Variants in OSBPL10 observed in about 807,000 individuals in gnomAD.
The protein encoded by OSBPL10 is oxysterol binding protein like 10, also known as oxysterol-binding protein-related protein 10.
Under a neutral mutation model 81.7 loss-of-function variants are expected in OSBPL10, and 49 were observed. That is an observed-to-expected ratio of 0.60 (90% CI 0.48 to 0.76). The LOEUF (loss-of-function observed/expected upper bound fraction) is 0.76, where lower values mean the gene tolerates loss of function less well. Among genes scored for constraint, OSBPL10 ranks in the 30% least tolerant of loss-of-function variants. The pLI is 0.00. For synonymous variants in OSBPL10, 419 were observed against 383.6 expected (o/e 1.09, Z -1.08); for missense variants, 923 against 987.8 (o/e 0.93, Z 0.88).
chr3:31,829,737 C>T (rs534593517), intron 4 of OSBPL10, among the ~76,000 whole-genome samples: 20 of 152,278 alleles, frequency 1.3e-4, no homozygotes, highest in Non-Finnish European at 4.4e-5. Flanking sequence ...TGAGGTTTGG[C>T]CTAGTCTTTG....
At chr3:32,009,474 T>C (rs1331510836) in intron 2 of OSBPL10, among the ~76,000 whole-genome samples, 2 of 152,160 alleles carry the variant, frequency 1.3e-5, no homozygotes, top group African/African-American at 4.8e-5. Flanking sequence ...TGATACAGTC[T>C]TCCACACAGG....
At chr3:31,679,093 G>A (rs990713986) in intron 8 of OSBPL10, among the ~76,000 whole-genome samples, 27 of 152,140 alleles carry the variant, frequency 1.8e-4, no homozygotes, top group African/African-American at 6.3e-4. Context: ...CAGACACAGT[G>A]GCCCCTGGCT....
At chr3:31,880,946 A>G (rs577984046) in intron 1 of OSBPL10, among the ~76,000 whole-genome samples, 1 of 152,360 alleles carries the variant, frequency 6.6e-6, no homozygotes, top group Non-Finnish European at 1.5e-5. Context: ...TGAACCAATG[A>G]CAGTGCAATT....
intron 6 of OSBPL10, among the ~76,000 whole-genome samples, chr3:31,729,577 C>G (rs3792539): frequency 6.6e-6 from 1 of 152,156 alleles, no homozygotes; most frequent in Non-Finnish European, 1.5e-5. Context: ...CACGCCACCA[C>G]GCCCAGCTCA....
At chr3:31,688,283 T>TCTCTCTCACA (rs1246299416) in intron 7 of OSBPL10, among the ~76,000 whole-genome samples, 7 of 115,408 alleles carry the variant, frequency 6.1e-5, no homozygotes, top group Non-Finnish European at 1.1e-4. Flanking sequence ...TCTCTCTCTC[T>TCTCTCTCACA]CACACACACA....
chr3:31,832,311 A>AT (rs1044409627), intron 3 of OSBPL10, among the ~76,000 whole-genome samples: 5 of 152,096 alleles, frequency 3.3e-5, no homozygotes, highest in African/African-American at 7.2e-5. Flanking sequence ...AAGAGGGGAG[A>AT]TTTTTTCACT....
intron 1 of OSBPL10, among the ~76,000 whole-genome samples, chr3:32,056,971 T>A (rs1559556249): frequency 6.6e-6 from 1 of 152,186 alleles, no homozygotes; most frequent in Non-Finnish European, 1.5e-5. Context: ...GAAAGTGACC[T>A]CTGGTCATCC....
At chr3:31,729,766 T>C (rs1207978762) in intron 6 of OSBPL10, among the ~76,000 whole-genome samples, 2 of 152,142 alleles carry the variant, frequency 1.3e-5, no homozygotes, top group Non-Finnish European at 2.9e-5. Flanking sequence ...TAGGTGGCCG[T>C]GATTCAGAGG....
intron 7 of OSBPL10, among the ~76,000 whole-genome samples, chr3:31,695,628 A>G (rs1695694930): frequency 6.6e-6 from 1 of 152,156 alleles, no homozygotes; most frequent in Admixed American, 6.5e-5. Context: ...GTATATCTCA[A>G]TCTGGCAGCT....
At chr3:31,672,318 C>T (rs1344158709) in intron 8 of OSBPL10, among the ~76,000 whole-genome samples, 2 of 133,918 alleles carry the variant, frequency 1.5e-5, no homozygotes, top group Admixed American at 1.8e-4. Flanking sequence ...CCCTCTTAGG[C>T]TACATAAGCA....
intron 2 of OSBPL10, among the ~76,000 whole-genome samples, chr3:32,018,079 C>T (rs1473504801): frequency 4.0e-5 from 6 of 151,574 alleles, no homozygotes; most frequent in Non-Finnish European, 8.8e-5. Context: ...ACCTGGGAGG[C>T]GGAAGTTGCA....
In OSBPL10 at chr3:31,876,470, C is replaced by G; in HGVS notation, c.500G>C (p.Arg167Pro). ...KEKQFWVTQL[R>P]ACAKYHMEMN... is the part of the protein sequence containing the mutation. ...TTCCATGTGGTATTTGGCACAAGCT[C>G]GAAGCTGAGTCACCCAGAATTGTTT... is the stretch of plus-strand genomic sequence containing the variant. The change falls in exon 3 of 12, where the codon CGA becomes CCA. Residue 167 changes from arginine to proline, a missense_variant. Arg to Pro is a moderately radical substitution (Grantham distance 103). Around this residue, in one of 3 missense-constraint regions of OSBPL10, gnomAD observed 514 missense variants for 508.0 expected, o/e 1.01. Transcript: ENST00000396556. The G allele has an allele frequency of 6.2e-7, 1 of 1,613,792 alleles. No homozygotes were observed. Among genetic ancestry groups the G allele is most frequent in the Non-Finnish European group, 8.5e-7 (1 of 1,179,676 alleles).
chr3:31,807,341 C>G (rs1699544566), intron 4 of OSBPL10, among the ~76,000 whole-genome samples: 1 of 151,520 alleles, frequency 6.6e-6, no homozygotes, highest in African/African-American at 2.4e-5. Flanking sequence ...CCACTACACT[C>G]CAGCCTGGGC....
chr3:31,854,900 G>A (rs562732789), intron 3 of OSBPL10, among the ~76,000 whole-genome samples: 1 of 152,322 alleles, frequency 6.6e-6, no homozygotes, highest in African/African-American at 2.4e-5. Flanking sequence ...CCACAGGACA[G>A]TTATCAAATG....
At chr3:31,913,572 A>G (rs1467254295) in intron 1 of OSBPL10, among the ~76,000 whole-genome samples, 1 of 152,156 alleles carries the variant, frequency 6.6e-6, no homozygotes, top group East Asian at 1.9e-4. Context: ...ATAAACCTAA[A>G]TAGGAGAAAA....
intron 3 of OSBPL10, among the ~76,000 whole-genome samples, chr3:31,847,204 T>C: frequency 6.8e-6 from 1 of 147,314 alleles, no homozygotes; most frequent in Non-Finnish European, 1.5e-5. Flanking sequence ...CTTTTTTTTT[T>C]TTTTTTTAAA....
chr3:31,921,829 G>A (rs1696925568), intron 1 of OSBPL10, among the ~76,000 whole-genome samples: 1 of 152,158 alleles, frequency 6.6e-6, no homozygotes, highest in Admixed American at 6.5e-5. Flanking sequence ...ACTACTTCTA[G>A]CCAGGTGATT....
In OSBPL10 at chr3:31,953,014, C is replaced by T. The variant is rs533993599; in HGVS notation, c.281+27885G>A. 1.9e-3 allele frequency among the ~76,000 whole-genome samples: 280 copies of T among 149,778 alleles called. 1 individual carries two copies. Among genetic ancestry groups the T allele is most frequent in the African/African-American group, 6.7e-3 (270 of 40,406 alleles). ...ATGGTGCAATCTCGGCTCACTGCAA[C>T]CTCCGCCTCCAGGGTTCAAGCAATG... is the stretch of plus-strand genomic sequence containing the variant. On this transcript the variant is annotated intron_variant, in intron 1 of 11. Transcript: ENST00000396556.
intron 1 of OSBPL10, among the ~76,000 whole-genome samples, chr3:31,923,125 T>A (rs1425258554): frequency 6.6e-6 from 1 of 152,150 alleles, no homozygotes; most frequent in Non-Finnish European, 1.5e-5. Flanking sequence ...GTGAACTGGT[T>A]TCCCAGGGTA....
Sources: allele counts gnomAD v4.1 joint callset (sites outside exome capture counted in the v4.1 genomes callset), GRCh38; gene constraint gnomAD v4.1.1; regional missense constraint gnomAD v4.1.1; transcripts MANE v1.5; gene names NCBI Gene and HGNC (gene_info 2026-07-23, HGNC 2026-07-21).